The following BBX variants were observed in gnomAD, a reference collection of about 807,000 sequenced individuals.
BBX encodes the protein BBX high mobility group box domain containing, also known as HMG box transcription factor BBX.
Under a neutral mutation model 100.2 loss-of-function variants are expected in BBX, and 30 were observed. That is an observed-to-expected ratio of 0.30 (90% CI 0.22 to 0.41). The LOEUF (loss-of-function observed/expected upper bound fraction) is 0.41. BBX is among the 10% of genes least tolerant of loss of function. The pLI, the probability that BBX is intolerant of heterozygous loss-of-function variation, is 1.00. For missense variants in BBX, 1,023 were observed against 1,129.8 expected (o/e 0.91, Z 1.35); for synonymous variants, 376 against 388.1 (o/e 0.97, Z 0.37).
chr3:107,738,562 G>A (rs776676084), intron 7 of BBX, among the ~76,000 whole-genome samples: 2 of 152,128 alleles, frequency 1.3e-5, no homozygotes, highest in Admixed American at 6.5e-5. Flanking sequence ...GGCAGAGAAG[G>A]GTAAAGTAAC....
At position 107,805,602 on chromosome 3, in the gene BBX, A is replaced by G. The variant is rs1217862827; in HGVS notation, c.*145A>G. On this transcript the variant is annotated 3_prime_UTR_variant, in exon 18 of 18. Coordinates refer to ENST00000325805, the MANE Select transcript of BBX (RefSeq NM_001142568.3). ...CACACGGCCCAGATTCACTTGAAGC[A>G]GAAGTTAGCATCCTGGGCCAGTTTG... 1 of 1,467,848 alleles carries G rather than the reference A, an allele frequency of 6.8e-7. No individual in the cohort carries two copies. The highest frequency in any genetic ancestry group is 2.5e-5 in the East Asian group (1 of 40,732). The allele number at this position is 1,467,848 out of a possible 1,614,324, so 90.9% of individuals were successfully genotyped here.
At chr3:107,633,145 T>C (rs1327351994) in intron 2 of BBX, among the ~76,000 whole-genome samples, 2 of 152,128 alleles carry the variant, frequency 1.3e-5, no homozygotes, top group African/African-American at 4.8e-5. Context: ...TATAAGTTAC[T>C]ATAATAATTT....
intron 5 of BBX, among the ~76,000 whole-genome samples, chr3:107,726,673 A>G (rs754636730): frequency 8.6e-5 from 13 of 152,004 alleles, no homozygotes; most frequent in Non-Finnish European, 1.8e-4. Context: ...TCCATTGTGA[A>G]AGCATTTTTC....
At chr3:107,660,507 A>T (rs1173149105) in intron 3 of BBX, among the ~76,000 whole-genome samples, 6 of 2,532 alleles carry the variant, frequency 2.4e-3, no homozygotes, top group Non-Finnish European at 4.1e-3. Flanking sequence ...AAAAGCATTA[A>T]AAAAAAAAAA....
intron 10 of BBX, among the ~76,000 whole-genome samples, chr3:107,769,285 C>A (rs1171239416): frequency 6.6e-6 from 1 of 151,842 alleles, no homozygotes; most frequent in Non-Finnish European, 1.5e-5. Context: ...TTGAAGTATC[C>A]ATTTTCCCCA....
intron 2 of BBX, among the ~76,000 whole-genome samples, chr3:107,580,375 T>C (rs575165177): frequency 6.6e-6 from 1 of 152,168 alleles, no homozygotes; most frequent in Non-Finnish European, 1.5e-5. Flanking sequence ...TAAAAATTAT[T>C]TTCACTATCC....
chr3:107,678,956 G>C (rs1049482852), intron 3 of BBX, among the ~76,000 whole-genome samples: 1 of 152,060 alleles, frequency 6.6e-6, no homozygotes, highest in Admixed American at 6.6e-5. Flanking sequence ...AGGGAGGTTA[G>C]GTTTCTTGCC....
chr3:107,569,329 G>A (rs1296898658), intron 2 of BBX, among the ~76,000 whole-genome samples: 1 of 152,052 alleles, frequency 6.6e-6, no homozygotes, highest in Non-Finnish European at 1.5e-5. Flanking sequence ...TTTTATGGAG[G>A]TGTGTTTGGC....
intron 10 of BBX, among the ~76,000 whole-genome samples, chr3:107,769,216 AGATAGATAGATAGACAGATAGATAG>A (rs1236983705): frequency 4.2e-5 from 6 of 141,230 alleles, no homozygotes; most frequent in East Asian, 2.1e-4. Context: ...ATAGATAGAT[AGATAGATAGATAGACAGATAGATAG>A]GATAGATAGA....
chr3:107,715,758 G>A (rs2062055228), intron 4 of BBX, among the ~76,000 whole-genome samples: 1 of 152,252 alleles, frequency 6.6e-6, no homozygotes, highest in South Asian at 2.1e-4. Context: ...TACTAGGGCA[G>A]TGGGAATGAG....
chr3:107,536,525 T>C (rs935946579), intron 2 of BBX, among the ~76,000 whole-genome samples: 11 of 152,186 alleles, frequency 7.2e-5, no homozygotes, highest in Admixed American at 6.5e-4. Flanking sequence ...GCTCGTCTTT[T>C]GTTTGTTGTG....
rs568228467 is a variant in BBX, at chr3:107,716,898, G to A, written c.405+49G>A. 5 of 1,588,978 alleles carry A rather than the reference G, an allele frequency of 3.1e-6. No homozygotes were observed. In the African/African-American group the frequency reaches 6.7e-5, roughly 21 times the overall value. On this transcript the variant is annotated intron_variant, in intron 5 of 17. Coordinates refer to ENST00000325805, the MANE Select transcript of BBX (RefSeq NM_001142568.3). ...CTGATAGCTAAAAGCAACCAGTCCT[G>A]AAACTCCCAGTCAACAAATATGAAG...
rs2071222307 is a variant in BBX, at chr3:107,809,899, CTTAT to C, written c.*4446_*4449del. 6.6e-6 allele frequency: 1 copy of C among 152,048 alleles called. No homozygotes were observed. The highest frequency in any genetic ancestry group is 2.1e-4 in the South Asian group (1 of 4,816). 9.4% of individuals were successfully genotyped at this position (152,048 alleles called of 1,614,324 possible). On this transcript the variant is annotated 3_prime_UTR_variant, in exon 18 of 18. Transcript: ENST00000325805. The stretch of plus-strand genomic sequence containing the variant: ...GAGTTTTTGGATTTTTAAAAATTAT[CTTAT>C]TTAGATTGACTAACAGCATACTTAC...
chr3:107,583,268 T>C (rs1395249265), intron 2 of BBX, among the ~76,000 whole-genome samples: 2 of 152,018 alleles, frequency 1.3e-5, no homozygotes, highest in African/African-American at 4.8e-5. Flanking sequence ...CTGATTAAAC[T>C]CTTTAACTTT....
At chr3:107,551,959 T>C (rs1307060391) in intron 2 of BBX, among the ~76,000 whole-genome samples, 1 of 152,206 alleles carries the variant, frequency 6.6e-6, no homozygotes, top group African/African-American at 2.4e-5. Context: ...ATTGAGCTTT[T>C]CTGAACAGGG....
intron 8 of BBX, among the ~76,000 whole-genome samples, chr3:107,746,592 A>G (rs746137174): frequency 3.3e-5 from 5 of 152,094 alleles, no homozygotes; most frequent in African/African-American, 9.7e-5. Flanking sequence ...AGTGAATACA[A>G]TTAATTACTC....
Position 107,773,168 on chromosome 3 carries a change from A to G in BBX, c.1447A>G (p.Ile483Val). The change falls in exon 11 of 18, where the codon ATT (isoleucine) becomes GTT (valine). Residue 483 changes from isoleucine to valine, a missense_variant. Ile to Val is a conservative substitution (Grantham distance 29). This residue lies in a region of BBX where 348 missense variants were observed against 353.2 expected (regional missense o/e 0.99). Transcript: ENST00000325805. This position sits in a 1 kb window ranked among gnomAD's most constrained non-coding sequence, Gnocchi z 4.1. ...AAAGAGGCAGTCTTCGGAATCTGAC[A>G]TTGAGAGCGTCATATATACCATTGA... ...CKKRQSSESD[I>V]ESVIYTIEAV... The G allele has an allele frequency of 6.2e-7, 1 of 1,614,180 alleles. No individual in the cohort carries two copies. Among genetic ancestry groups the G allele is most frequent in the Non-Finnish European group, 8.5e-7 (1 of 1,180,024 alleles).
intron 2 of BBX, among the ~76,000 whole-genome samples, chr3:107,597,511 A>G (rs1003512576): frequency 1.4e-4 from 22 of 152,190 alleles, no homozygotes; most frequent in Admixed American, 9.8e-4. Flanking sequence ...ATTCATAATT[A>G]GTATATGAAT....
In BBX at chr3:107,667,260, A is replaced by G. The variant is rs906156423; in HGVS notation, c.-10+21351A>G. On this transcript the variant is annotated intron_variant, in intron 3 of 17. Coordinates refer to ENST00000325805, the MANE Select transcript of BBX (RefSeq NM_001142568.3). Reference sequence around the variant, plus strand: ...ATTATAATGTGTCTTTGATTAATGTAAAAGTCTTGACCTGTTAAGTATTCA... The same window carrying G: ...ATTATAATGTGTCTTTGATTAATGTGAAAGTCTTGACCTGTTAAGTATTCA... Among the ~76,000 whole-genome samples the G allele has an allele frequency of 7.2e-5, 11 of 152,318 alleles. No individual in the cohort carries two copies. In the South Asian group the frequency reaches 8.3e-4, roughly 11 times the overall value.
Sources: gnomAD v4.1 joint callset for allele counts (sites outside exome capture counted in the v4.1 genomes callset) on GRCh38, gnomAD v4.1.1 for gene constraint, gnomAD v4.1.1 regional missense constraint, Gnocchi (gnomAD v3.1) non-coding constraint, MANE v1.5 for transcripts, NCBI Gene and HGNC (gene_info 2026-07-23, HGNC 2026-07-21) for gene names.